The following CUL4B variants were observed in gnomAD, a reference collection of about 807,000 sequenced individuals.
CUL4B encodes the protein cullin 4B, also known as cullin-4B.
CUL4B carries 1 observed loss-of-function variant against 69.2 expected under a neutral mutation model. That is an observed-to-expected ratio of 0.01 (90% CI 0.01 to 0.07). The LOEUF (loss-of-function observed/expected upper bound fraction) is 0.07, where lower values mean the gene tolerates loss of function less well. CUL4B is among the 10% of genes least tolerant of loss of function. CUL4B has a pLI of 1.00. For missense variants in CUL4B, 328 were observed against 638.8 expected (o/e 0.51, Z 5.24); for synonymous variants, 237 against 223.2 (o/e 1.06, Z -0.55).
intron 1 of CUL4B, among the ~76,000 whole-genome samples, chrX:120,558,339 CTGATCT>C (rs1258609125): frequency 8.9e-6 from 1 of 111,782 alleles, no homozygotes; most frequent in Non-Finnish European, 1.9e-5. Context: ...AATAACAATC[CTGATCT>C]TATTTCATCA....
intron 2 of CUL4B, among the ~76,000 whole-genome samples, chrX:120,547,648 G>A (rs1036555715): frequency 9.0e-6 from 1 of 111,508 alleles, no homozygotes; most frequent in African/African-American, 3.3e-5. Context: ...CAACTGTGAT[G>A]GTTACTACTG....
rs1394636395 is a variant in CUL4B at position 120,542,948 on chromosome X, T to G, written c.1324+18A>C. The G allele has an allele frequency of 8.6e-7, 1 of 1,159,679 alleles. No homozygotes were observed. Among genetic ancestry groups the G allele is most frequent in the East Asian group, 3.0e-5 (1 of 33,528 alleles). The stretch of plus-strand genomic sequence containing the variant: ...TACCATTTAAAAAGCAATCTCTTAT[T>G]TACAAATTGCCAATTACCTTTCTGA... On this transcript the variant is annotated intron_variant, in intron 9 of 19. Coordinates refer to ENST00000371322, the MANE Select transcript of CUL4B (RefSeq NM_001079872.2).
chrX:120,569,424 C>G (rs150915713), downstream of CUL4B, among the ~76,000 whole-genome samples: 4,050 of 106,634 alleles, frequency 0.038, 71 homozygotes, highest in Middle Eastern at 0.054. Context: ...GCAGTGGTGC[C>G]ATCTTGGCTC....
chrX:120,566,363 A>ATATATG (rs1556253037), upstream of CUL4B, among the ~76,000 whole-genome samples: 4 of 57,138 alleles, frequency 7.0e-5, no homozygotes, highest in African/African-American at 2.2e-4. Context: ...ATATATATAT[A>ATATATG]TATATATATA....
At chrX:120,554,392 T>C (rs1268396881) in intron 2 of CUL4B, among the ~76,000 whole-genome samples, 1 of 111,859 alleles carries the variant, frequency 8.9e-6, no homozygotes, top group African/African-American at 3.2e-5. Flanking sequence ...TTGCAGTCAA[T>C]TAAAAACAAG....
intron 2 of CUL4B, among the ~76,000 whole-genome samples, chrX:120,550,435 C>T (rs1924619678): frequency 9.0e-6 from 1 of 111,509 alleles, no homozygotes; most frequent in Non-Finnish European, 1.9e-5. Flanking sequence ...GTGCTAGATG[C>T]TATGATGAGG....
chrX:120,537,414 C>A (rs1923737086), intron 14 of CUL4B, among the ~76,000 whole-genome samples: 1 of 110,584 alleles, frequency 9.0e-6, no homozygotes, highest in African/African-American at 3.3e-5. Context: ...CATTCCTCAC[C>A]CCCCAGCCAG....
chrX:120,557,303 T>C (rs376966475), intron 2 of CUL4B, among the ~76,000 whole-genome samples: 8 of 111,635 alleles, frequency 7.2e-5, no homozygotes, highest in African/African-American at 2.6e-4. Flanking sequence ...GAAAAATTTC[T>C]TGGTAGCAAG....
chrX:120,533,373 T>C (rs1199199056), intron 17 of CUL4B, among the ~76,000 whole-genome samples: 1 of 112,161 alleles, frequency 8.9e-6, no homozygotes, highest in South Asian at 3.7e-4. Flanking sequence ...GACACTACAG[T>C]GTAGGTTTCA....
chrX:120,547,560 T>C (rs963097878), intron 2 of CUL4B, among the ~76,000 whole-genome samples: 10 of 112,163 alleles, frequency 8.9e-5, no homozygotes, highest in African/African-American at 2.9e-4. Flanking sequence ...CTGGGTACAG[T>C]GGTTCATGCC....
intron 2 of CUL4B, among the ~76,000 whole-genome samples, chrX:120,551,472 T>C (rs140159218): frequency 2.3e-3 from 252 of 111,239 alleles, no homozygotes; most frequent in African/African-American, 7.7e-3. Flanking sequence ...AAGTGCTGGA[T>C]TACATGCATG....
intron 2 of CUL4B, among the ~76,000 whole-genome samples, chrX:120,554,833 A>T (rs1182001894): frequency 8.9e-6 from 1 of 111,940 alleles, no homozygotes; most frequent in Non-Finnish European, 1.9e-5. Context: ...AGATTGAGAG[A>T]GTACTTCTAA....
upstream of CUL4B, among the ~76,000 whole-genome samples, chrX:120,566,375 A>ATG (rs1796132203): frequency 3.0e-4 from 19 of 63,969 alleles, no homozygotes; most frequent in Non-Finnish European, 4.9e-4. Context: ...ATATATATAT[A>ATG]TATATATATA....
chrX:120,558,347 A>G (rs769380598), intron 1 of CUL4B, among the ~76,000 whole-genome samples: 4 of 112,166 alleles, frequency 3.6e-5, no homozygotes, highest in Non-Finnish European at 7.5e-5. Flanking sequence ...TCCTGATCTT[A>G]TTTCATCATG....
intron 2 of CUL4B, among the ~76,000 whole-genome samples, chrX:120,573,371 C>T (rs1163164061): frequency 2.7e-5 from 3 of 111,626 alleles, no homozygotes; most frequent in Non-Finnish European, 3.8e-5. Flanking sequence ...TATTTTTGGA[C>T]ATTTGGTTAT....
chrX:120,544,814 A>G, intron 5 of CUL4B, among the ~76,000 whole-genome samples, 171 bp from the exon 6 acceptor site: 1 of 112,611 alleles, frequency 8.9e-6, no homozygotes, highest in Non-Finnish European at 1.9e-5. Context: ...TTATTAGATT[A>G]AAGAACACAG....
At chrX:120,533,370 C>A (rs952287127) in intron 17 of CUL4B, among the ~76,000 whole-genome samples, 1 of 112,140 alleles carries the variant, frequency 8.9e-6, no homozygotes, top group Non-Finnish European at 1.9e-5. Flanking sequence ...TGAGACACTA[C>A]AGTGTAGGTT....
At chrX:120,567,717 GA>G (rs778401536), downstream of CUL4B, among the ~76,000 whole-genome samples, 1,377 of 81,031 alleles carry the variant, frequency 0.017, 26 homozygotes, top group African/African-American at 0.049. Context: ...TGTCTCTATC[GA>G]AAAAAAAAAA....
chrX:120,551,111 C>T (rs1449154053), intron 2 of CUL4B, among the ~76,000 whole-genome samples: 2 of 111,764 alleles, frequency 1.8e-5, no homozygotes, highest in Non-Finnish European at 3.8e-5. Flanking sequence ...TTGCCTTCCC[C>T]AATAAAAGCC....
Sources: gnomAD v4.1 joint callset for allele counts (sites outside exome capture counted in the v4.1 genomes callset) on GRCh38, gnomAD v4.1.1 for gene constraint, MANE v1.5 for transcripts, NCBI Gene and HGNC (gene_info 2026-07-23, HGNC 2026-07-21) for gene names.